The following DOCK3 variants were observed in gnomAD, a reference collection of about 807,000 sequenced individuals.
DOCK3 encodes dedicator of cytokinesis protein 3.
DOCK3 carries 60 observed loss-of-function variants against 265.6 expected under a neutral mutation model. The observed-to-expected ratio is 0.23, with a 90% CI of 0.18 to 0.28. The LOEUF (loss-of-function observed/expected upper bound fraction) is 0.28, where lower values mean the gene tolerates loss of function less well. Ranked by LOEUF, DOCK3 falls within the 10% of genes least tolerant of loss-of-function variation. The pLI is 1.00. For synonymous variants in DOCK3, 881 were observed against 938.0 expected, an observed-to-expected ratio of 0.94 and a Z score of 1.11; for missense variants, 1,981 against 2,594.3, an observed-to-expected ratio of 0.76 and a Z score of 5.14.
At chr3:50,744,600 A>AT (rs1559582490) in intron 1 of DOCK3, among the ~76,000 whole-genome samples, 1 of 151,884 alleles carries the variant, frequency 6.6e-6, no homozygotes, top group Non-Finnish European at 1.5e-5. Flanking sequence ...CACCTGGCTA[A>AT]TTTTTTGTGT....
At chr3:51,056,705 G>T (rs1249130775) in intron 5 of DOCK3, among the ~76,000 whole-genome samples, 1 of 152,020 alleles carries the variant, frequency 6.6e-6, no homozygotes, top group Non-Finnish European at 1.5e-5. Context: ...TAGTAGTAAT[G>T]AAAAAAGAAT....
chr3:50,933,559 C>T (rs1485043916), intron 4 of DOCK3, among the ~76,000 whole-genome samples: 1 of 151,956 alleles, frequency 6.6e-6, no homozygotes, highest in East Asian at 1.9e-4. Context: ...CCTCCACAAC[C>T]CCCCACATTT....
intron 12 of DOCK3, among the ~76,000 whole-genome samples, chr3:51,199,143 G>A (rs1157298722): frequency 6.6e-6 from 1 of 152,182 alleles, no homozygotes; most frequent in African/African-American, 2.4e-5. Context: ...ATTTCCATCT[G>A]AGGTACCGGG....
intron 5 of DOCK3, among the ~76,000 whole-genome samples, chr3:51,000,181 T>G (rs2078426397): frequency 6.6e-6 from 1 of 152,226 alleles, no homozygotes; most frequent in Non-Finnish European, 1.5e-5. Context: ...GCCTGTTACA[T>G]GTTTTGACCC....
At chr3:51,147,414 C>A (rs549182797) in intron 10 of DOCK3, among the ~76,000 whole-genome samples, 6 of 152,114 alleles carry the variant, frequency 3.9e-5, no homozygotes, top group Non-Finnish European at 7.4e-5. Flanking sequence ...CATAGGTATA[C>A]ATGTGCCATG....
chr3:51,290,571 A>G (rs2081682128), intron 27 of DOCK3, among the ~76,000 whole-genome samples: 1 of 152,096 alleles, frequency 6.6e-6, no homozygotes, highest in Non-Finnish European at 1.5e-5. Context: ...GCATTAGGAG[A>G]TATACCTAGT....
At chr3:50,763,769 CTG>C (rs1186605404) in intron 1 of DOCK3, among the ~76,000 whole-genome samples, 3 of 152,040 alleles carry the variant, frequency 2.0e-5, no homozygotes, top group African/African-American at 7.2e-5. Context: ...AGTCTTCTCT[CTG>C]TTTTTCTTGG....
chr3:51,342,465 A>G (rs186808384), intron 38 of DOCK3, among the ~76,000 whole-genome samples: 2 of 152,286 alleles, frequency 1.3e-5, no homozygotes, highest in East Asian at 1.9e-4. Context: ...AGCCCCTCAC[A>G]TGCAGTTTTA....
At chr3:51,133,722 G>C (rs2084667128) in intron 9 of DOCK3, among the ~76,000 whole-genome samples, 1 of 152,072 alleles carries the variant, frequency 6.6e-6, no homozygotes, top group African/African-American at 2.4e-5. Flanking sequence ...CAGAAATCTA[G>C]AGAACAGGCA....
At chr3:51,368,781 G>T (rs1051026621) in intron 49 of DOCK3, among the ~76,000 whole-genome samples, 3 of 152,188 alleles carry the variant, frequency 2.0e-5, no homozygotes, top group Non-Finnish European at 4.4e-5. Flanking sequence ...GAACCCTCAG[G>T]AGCCTAACTG....
At chr3:51,273,035 G>A (rs1188518929) in intron 24 of DOCK3, among the ~76,000 whole-genome samples, 3 of 151,742 alleles carry the variant, frequency 2.0e-5, no homozygotes, top group African/African-American at 7.3e-5. Flanking sequence ...GGTGGTGGGC[G>A]CCTGTAGTCC....
intron 5 of DOCK3, among the ~76,000 whole-genome samples, chr3:51,058,114 G>T (rs1157691883): frequency 6.6e-6 from 1 of 152,184 alleles, no homozygotes; most frequent in African/African-American, 2.4e-5. Context: ...AGGTATCCAA[G>T]ATTGCTCACT....
At chr3:51,379,389 T>C (rs909002977) in intron 51 of DOCK3, 2 of 985,294 alleles carry the variant, frequency 2.0e-6, no homozygotes, top group African/African-American at 3.5e-5. Flanking sequence ...AAGCTGTACT[T>C]CTCCCAGAGG....
rs571475068 is a variant in DOCK3 at position 50,809,973 on chromosome 3, C to T, written c.121+31215C>T. 2.1e-4 allele frequency among the ~76,000 whole-genome samples: 32 copies of T among 152,012 alleles called. No homozygotes were observed. The South Asian group carries it at 6.7e-3, about 32-fold the overall frequency. ...TGGGTAACATAGCGAGATCTTGTCT[C>T]TACAAAAAATTTAAAAATTAGCATG... On this transcript the variant is annotated intron_variant, in intron 2 of 52. Transcript: ENST00000266037.
At chr3:51,320,610 G>T (rs1037136714) in intron 32 of DOCK3, among the ~76,000 whole-genome samples, 3 of 152,192 alleles carry the variant, frequency 2.0e-5, no homozygotes, top group African/African-American at 2.4e-5. Flanking sequence ...GCAGTCCGAG[G>T]TCGACCTGGG....
chr3:51,029,998 C>T (rs888782002), intron 5 of DOCK3, among the ~76,000 whole-genome samples: 3 of 152,034 alleles, frequency 2.0e-5, no homozygotes, highest in African/African-American at 7.2e-5. Context: ...AGGCGCTCTC[C>T]AGCAGTTTGG....
chr3:50,889,559 G>A (rs569881831), intron 3 of DOCK3, among the ~76,000 whole-genome samples: 10 of 151,278 alleles, frequency 6.6e-5, no homozygotes, highest in Non-Finnish European at 1.5e-4. Context: ...AGTAAAAGAA[G>A]ACATATTTTA....
intron 6 of DOCK3, among the ~76,000 whole-genome samples, chr3:51,067,462 C>T (rs901314827): frequency 5.1e-4 from 19 of 37,482 alleles, no homozygotes; most frequent in Admixed American, 1.1e-3. Flanking sequence ...TGTGTGCGCG[C>T]GCGTTGGAGG....
At chr3:51,178,793 G>C (rs1459239356) in intron 12 of DOCK3, among the ~76,000 whole-genome samples, 5 of 152,170 alleles carry the variant, frequency 3.3e-5, no homozygotes, top group Admixed American at 2.6e-4. Flanking sequence ...ATAGTAAAAA[G>C]ATATTTTCAC....
Sources: allele counts gnomAD v4.1 joint callset (sites outside exome capture counted in the v4.1 genomes callset), GRCh38; gene constraint gnomAD v4.1.1; transcripts MANE v1.5; gene names NCBI Gene and HGNC (gene_info 2026-07-23, HGNC 2026-07-21).